GPC3: variants seen among roughly 807,000 people sequenced by gnomAD.
GPC3 encodes glypican-3.
In GPC3, 3 loss-of-function variants were observed where a neutral mutation model predicts 34.4. The ratio of observed to expected loss-of-function variants is 0.09; its 90% CI spans 0.04 to 0.23. The LOEUF (loss-of-function observed/expected upper bound fraction) is 0.23, where lower values mean the gene tolerates loss of function less well. GPC3 is among the 10% of genes least tolerant of loss of function. The probability of loss-of-function intolerance (pLI) is 1.00; values close to 1 mark genes in which losing one functional copy is unlikely to be tolerated. For synonymous variants in GPC3, 177 were observed against 174.0 expected, an observed-to-expected ratio of 1.02 and a Z score of -0.13; for missense variants, 351 against 445.6, an observed-to-expected ratio of 0.79 and a Z score of 1.91.
intron 2 of GPC3, among the ~76,000 whole-genome samples, chrX:133,828,543 A>G (rs1603255236): frequency 8.9e-6 from 1 of 112,302 alleles, no homozygotes; most frequent in Non-Finnish European, 1.9e-5. Flanking sequence ...TAAAAATGGC[A>G]GATGGAAACC....
chrX:133,536,236 G>A lies in GPC3; in HGVS notation c.1631C>T (p.Pro544Leu), dbSNP rs375606908. ...DAPGNSQQAT[P>L]KDNEISTFHN... The stretch of plus-strand genomic sequence containing the variant: ...AAAGGTGCTTATCTCGTTGTCCTTC[G>A]GAGTTGCCTGCTGACTGTTTCCAGG... The change falls in exon 8 of 8, where the codon CCG (proline) becomes CTG (leucine). Residue 544 changes from proline to leucine, a missense_variant. Coordinates refer to ENST00000370818, the MANE Select transcript of GPC3 (RefSeq NM_004484.4). The A allele has an allele frequency of 1.5e-4, 185 of 1,199,749 alleles. 1 individual carries two copies. In the East Asian group the frequency reaches 4.5e-3, roughly 29 times the overall value.
chrX:133,645,141 G>A (rs1009170056), intron 6 of GPC3, among the ~76,000 whole-genome samples: 4 of 111,307 alleles, frequency 3.6e-5, no homozygotes, highest in African/African-American at 1.3e-4. Flanking sequence ...TTTAGAGTGG[G>A]TCTCATCTCC....
chrX:133,734,933 G>T (rs766953813), intron 3 of GPC3, among the ~76,000 whole-genome samples: 2 of 111,690 alleles, frequency 1.8e-5, no homozygotes, highest in Non-Finnish European at 3.8e-5. Context: ...GAAGTGCAAG[G>T]CTTTTATACT....
intron 2 of GPC3, among the ~76,000 whole-genome samples, chrX:133,903,147 T>C (rs1355773608): frequency 2.1e-5 from 2 of 96,307 alleles, no homozygotes; most frequent in Non-Finnish European, 2.0e-5. Flanking sequence ...TGAGACTCTG[T>C]CTCAAAAAAA....
chrX:133,853,420 C>T (rs1290450768), intron 2 of GPC3, among the ~76,000 whole-genome samples: 1 of 111,974 alleles, frequency 8.9e-6, no homozygotes, highest in Non-Finnish European at 1.9e-5. Context: ...TTTCTCTCCT[C>T]TCCAAGTACA....
intron 1 of GPC3, among the ~76,000 whole-genome samples, chrX:133,963,571 C>T (rs947372623): frequency 8.9e-6 from 1 of 112,036 alleles, no homozygotes. Context: ...ATATTCTCAT[C>T]CATAAGGTCT....
intron 2 of GPC3, among the ~76,000 whole-genome samples, chrX:133,911,137 TC>T (rs1311361259): frequency 8.9e-6 from 1 of 112,716 alleles, no homozygotes; most frequent in Non-Finnish European, 1.9e-5. Context: ...TCTGTGACCT[TC>T]TTTGCAAATT....
At chrX:133,601,382 C>A (rs896896215) in intron 6 of GPC3, among the ~76,000 whole-genome samples, 2 of 111,650 alleles carry the variant, frequency 1.8e-5, no homozygotes, top group South Asian at 3.7e-4. Context: ...TCGAACGCTA[C>A]TTTTTCCACT....
intron 4 of GPC3, among the ~76,000 whole-genome samples, chrX:133,696,770 A>G (rs2071122360): frequency 8.9e-6 from 1 of 112,684 alleles, no homozygotes; most frequent in Non-Finnish European, 1.9e-5. Context: ...ATGTTCTTTG[A>G]TTGTAATTCC....
intron 2 of GPC3, among the ~76,000 whole-genome samples, chrX:133,787,730 G>A (rs2072116907): frequency 9.0e-6 from 1 of 111,186 alleles, no homozygotes; most frequent in South Asian, 3.8e-4. Context: ...GCCATTAACT[G>A]TACAACCTTG....
At chrX:133,540,308 C>A (rs1406782185) in intron 7 of GPC3, among the ~76,000 whole-genome samples, 1 of 112,667 alleles carries the variant, frequency 8.9e-6, no homozygotes, top group Admixed American at 9.4e-5. Flanking sequence ...AGCCTAAGTG[C>A]CCATCAACCA....
chrX:133,800,308 A>G (rs866556737), intron 2 of GPC3, among the ~76,000 whole-genome samples: 1 of 112,766 alleles, frequency 8.9e-6, no homozygotes, highest in South Asian at 3.6e-4. Flanking sequence ...TAAATGTATC[A>G]CAGAAATGTC....
chrX:133,786,430 C>T (rs1054106673), intron 2 of GPC3, among the ~76,000 whole-genome samples: 2 of 112,290 alleles, frequency 1.8e-5, no homozygotes, highest in Admixed American at 1.9e-4. Context: ...GAAAGAACCC[C>T]GATAGGGTTT....
intron 6 of GPC3, among the ~76,000 whole-genome samples, chrX:133,618,080 A>G (rs1219105499): frequency 9.2e-6 from 1 of 109,212 alleles, no homozygotes; most frequent in Non-Finnish European, 1.9e-5. Flanking sequence ...TTATAGCTGA[A>G]CACTTCAAAG....
chrX:133,977,277 AG>A (rs2076520609), intron 1 of GPC3, among the ~76,000 whole-genome samples: 1 of 112,171 alleles, frequency 8.9e-6, no homozygotes, highest in Admixed American at 9.4e-5. Flanking sequence ...CAATAAGCAT[AG>A]GGTCTGGAAG....
chrX:133,914,563 A>T (rs1363514513), intron 2 of GPC3, among the ~76,000 whole-genome samples: 1 of 111,053 alleles, frequency 9.0e-6, no homozygotes, highest in East Asian at 2.8e-4. Flanking sequence ...CTTTGGAAAT[A>T]AACAGACCCA....
chrX:133,792,543 G>C (rs1474278024), intron 2 of GPC3, among the ~76,000 whole-genome samples: 3 of 111,029 alleles, frequency 2.7e-5, no homozygotes, highest in Non-Finnish European at 5.7e-5. Flanking sequence ...CCAGAGAGAA[G>C]GCTCAGGCAT....
intron 2 of GPC3, among the ~76,000 whole-genome samples, chrX:133,819,479 G>C (rs1317811771): frequency 9.1e-6 from 1 of 110,480 alleles, no homozygotes; most frequent in Non-Finnish European, 1.9e-5. Flanking sequence ...CTTGAATCTT[G>C]GCAGGGCTTT....
At chrX:133,727,893 G>A (rs996546992) in intron 3 of GPC3, among the ~76,000 whole-genome samples, 4 of 111,987 alleles carry the variant, frequency 3.6e-5, no homozygotes, top group Non-Finnish European at 7.5e-5. Flanking sequence ...TCTGATCACC[G>A]GAAACAGCAT....
Sources: allele counts gnomAD v4.1 joint callset (sites outside exome capture counted in the v4.1 genomes callset), GRCh38; gene constraint gnomAD v4.1.1; transcripts MANE v1.5; gene names NCBI Gene and HGNC (gene_info 2026-07-23, HGNC 2026-07-21).